The following RUBCN variants were observed in gnomAD, a reference collection of about 807,000 sequenced individuals.
The protein encoded by RUBCN is run domain Beclin-1-interacting and cysteine-rich domain-containing protein.
RUBCN carries 74 observed loss-of-function variants against 113.2 expected under a neutral mutation model. That is an observed-to-expected ratio of 0.65 (90% CI 0.54 to 0.79). The LOEUF is 0.79. Ranked by LOEUF, RUBCN falls within the 30% of genes least tolerant of loss-of-function variation. RUBCN has a pLI of 0.00. For synonymous variants in RUBCN, 480 were observed against 490.0 expected (o/e 0.98, Z 0.27); for missense variants, 1,109 against 1,251.7 (o/e 0.89, Z 1.72).
In RUBCN at chr3:197,730,408, T is replaced by C. The variant is rs554030604; in HGVS notation, c.65+6247A>G. On this transcript the variant is annotated intron_variant, in intron 1 of 19. Coordinates refer to ENST00000296343, the MANE Select transcript of RUBCN (RefSeq NM_014687.4). The stretch of plus-strand genomic sequence containing the variant: ...GGAGCTGCTGGGACTGCATCTTTCT[T>C]GTTGCTGGTATTGCTAAGCTTGGAG... Among the ~76,000 whole-genome samples, 7 of 152,322 alleles carry C rather than the reference T, an allele frequency of 4.6e-5. No individual in the cohort carries two copies. In the East Asian group the frequency reaches 1.3e-3, roughly 29 times the overall value.
At chr3:197,698,766 G>A (rs2108896646) in intron 7 of RUBCN, among the ~76,000 whole-genome samples, 1 of 145,822 alleles carries the variant, frequency 6.9e-6, no homozygotes, top group East Asian at 2.0e-4. Context: ...GCCAAGACAG[G>A]AGGATCACTT....
At position 197,679,187 on chromosome 3, in the gene RUBCN, C is replaced by T. The variant is rs1258702885; in HGVS notation, c.2431-1646G>A. Among the ~76,000 whole-genome samples the T allele has an allele frequency of 7.4e-5, 11 of 149,590 alleles. No homozygotes were observed. The East Asian group carries it at 8.1e-4, about 11-fold the overall frequency. On this transcript the variant is annotated intron_variant, in intron 16 of 19. Coordinates refer to ENST00000296343, the MANE Select transcript of RUBCN (RefSeq NM_014687.4). The stretch of plus-strand genomic sequence containing the variant: ...CGACAAGTGGCTTCAGACTGTCCTA[C>T]GCTCTGACAACTGGCTTCAGACTGT...
chr3:197,721,547 T>C (rs1420963314), intron 1 of RUBCN, among the ~76,000 whole-genome samples: 2 of 152,094 alleles, frequency 1.3e-5, no homozygotes, highest in Non-Finnish European at 2.9e-5. Flanking sequence ...AACAAACAAC[T>C]CTTTTGTTAA....
intron 8 of RUBCN, 42 bp from the exon 9 acceptor site, chr3:197,696,023 A>G (rs762079408): frequency 4.4e-6 from 7 of 1,584,314 alleles, no homozygotes; most frequent in Non-Finnish European, 6.1e-6. Flanking sequence ...AGGCTTCTTC[A>G]GGAAGTCTTA....
In RUBCN at chr3:197,674,630, A is replaced by G. The variant is rs1314563597; in HGVS notation, c.*388T>C. The G allele has an allele frequency of 9.0e-6, 4 of 442,368 alleles. No homozygotes were observed. The highest frequency in any genetic ancestry group is 1.8e-5 in the South Asian group (1 of 55,756). The allele number at this position is 442,368 out of a possible 1,614,324, so 27.4% of individuals were successfully genotyped here. A position where few individuals can be genotyped will look rare whatever the true frequency, so the allele number is the denominator to read the frequency against. On this transcript the variant is annotated 3_prime_UTR_variant, in exon 20 of 20. Transcript: ENST00000296343. ...GAGAAAGGCCTGGCTCAGAAGCTCC[A>G]GAACTGAAACAAAGGAAAATTGGAA...
At position 197,701,112 on chromosome 3, in the gene RUBCN, A is replaced by T; in HGVS notation, c.762T>A (p.Pro254=). 6.4e-7 allele frequency: 1 copy of T among 1,571,442 alleles called. No individual in the cohort carries two copies. The highest frequency in any genetic ancestry group is 8.6e-7 in the Non-Finnish European group (1 of 1,158,476). ...CTCTGCTTTCTTGAGGTTTCCGGGG[A>T]GGGCCAGAGAGTGGAAAGGAAGTAG... is the stretch of plus-strand genomic sequence containing the variant. ...RRSTSFPLSG[P]PRKPQESRGH... is the part of the protein sequence containing the mutation. Residue 254 remains proline (P), a synonymous_variant, in exon 7 of 20, where the codon CCT becomes CCA. Transcript: ENST00000296343.
chr3:197,697,011 G>C lies in RUBCN; in HGVS notation c.1300C>G (p.Pro434Ala). ...NDKAKLRGPL[P>A]YSGQSSEVST... ...ACTTCACTGCTTTGACCAGAGTAGG[G>C]CAAAGGGCCTCTCAACTTCGCCTTA... The change falls in exon 8 of 20, where the codon CCC becomes GCC. Residue 434 changes from proline to alanine, a missense_variant. By Grantham distance (27) the Pro-to-Ala change is conservative. Transcript: ENST00000296343. 5 of 1,609,048 alleles carry C rather than the reference G, an allele frequency of 3.1e-6. No homozygotes were observed. The highest frequency in any genetic ancestry group is 4.3e-6 in the Non-Finnish European group (5 of 1,175,466).
chr3:197,731,698 C>T (rs1476074345), intron 1 of RUBCN, among the ~76,000 whole-genome samples: 2 of 149,966 alleles, frequency 1.3e-5, no homozygotes, highest in Non-Finnish European at 3.0e-5. Context: ...TAGGGGCAGC[C>T]GGGCAGAGGC....
chr3:197,677,551 A>C lies in RUBCN; in HGVS notation c.2431-10T>G. On this transcript the variant is annotated splice_polypyrimidine_tract_variant and intron_variant, in intron 16 of 19. Transcript: ENST00000296343. ...GCTGGACCCGCAGCAGCTGAAAAGA[A>C]AGAGAGGGGGGCAGGAGTGGGAGGG... 1 of 1,613,778 alleles carries C rather than the reference A, an allele frequency of 6.2e-7. No individual in the cohort carries two copies. Among genetic ancestry groups the C allele is most frequent in the Non-Finnish European group, 8.5e-7 (1 of 1,179,806 alleles).
intron 14 of RUBCN, 39 bp downstream of exon 14, chr3:197,682,430 CG>C (rs760584023): frequency 5.0e-6 from 8 of 1,612,196 alleles, no homozygotes; most frequent in Non-Finnish European, 5.1e-6. Flanking sequence ...CCAAAGAGGA[CG>C]GATCTGTGCT....
Position 197,683,093 on chromosome 3 carries a change from G to A in RUBCN, c.1980+214C>T, listed in dbSNP as rs1721434770. ...GACTGAGTCTGGCGAGCAGTCACGTGAATAAGGACCGCGAACGCGCCGTCA... is the reference window on the plus strand; with the variant it reads ...GACTGAGTCTGGCGAGCAGTCACGTAAATAAGGACCGCGAACGCGCCGTCA... On this transcript the variant is annotated intron_variant, in intron 13 of 19. Transcript: ENST00000296343. The surrounding 1 kb of genome is among the most constrained non-coding windows in gnomAD (Gnocchi z 4.6). 6.6e-6 allele frequency among the ~76,000 whole-genome samples: 1 copy of A among 152,248 alleles called. No individual in the cohort carries two copies. The highest frequency in any genetic ancestry group is 2.1e-4 in the South Asian group (1 of 4,830).
At chr3:197,692,857 C>T (rs1722576826) in intron 11 of RUBCN, among the ~76,000 whole-genome samples, 1 of 152,168 alleles carries the variant, frequency 6.6e-6, no homozygotes, top group South Asian at 2.1e-4. Context: ...ATTGTGTAAA[C>T]AGGAAATCAA....
At chr3:197,685,198 T>TG (rs1219332429) in intron 11 of RUBCN, among the ~76,000 whole-genome samples, 1 of 152,092 alleles carries the variant, frequency 6.6e-6, no homozygotes, top group Non-Finnish European at 1.5e-5. Flanking sequence ...ATACTTTTGA[T>TG]GGGGGGGATG....
chr3:197,746,206 T>C (rs1728738459), intron 1 of RUBCN, among the ~76,000 whole-genome samples: 1 of 152,236 alleles, frequency 6.6e-6, no homozygotes, highest in Non-Finnish European at 1.5e-5. Flanking sequence ...AGCTTGAGGA[T>C]AGCCATCGCG....
chr3:197,698,867 A>T (rs1265155253), intron 7 of RUBCN, among the ~76,000 whole-genome samples: 1 of 151,700 alleles, frequency 6.6e-6, no homozygotes, highest in African/African-American at 2.4e-5. Flanking sequence ...AAAATTTAAA[A>T]AAAGAAAAAA....
chr3:197,734,567 A>G (rs1022306526), intron 1 of RUBCN, among the ~76,000 whole-genome samples: 1 of 152,200 alleles, frequency 6.6e-6, no homozygotes, highest in Non-Finnish European at 1.5e-5. Flanking sequence ...CCGACCACAT[A>G]CAATAGTTAT....
rs62283397 is a variant in RUBCN, at chr3:197,678,946, C to T, written c.2431-1405G>A. 1.3e-3 allele frequency among the ~76,000 whole-genome samples: 171 copies of T among 135,566 alleles called. 1 individual carries two copies. The highest frequency in any genetic ancestry group is 4.4e-3 in the African/African-American group (155 of 35,330). The allele number at this position is 135,566 out of a possible 152,430, so 88.9% of individuals were successfully genotyped here. A position where few individuals can be genotyped will look rare whatever the true frequency, so the allele number is the denominator to read the frequency against. On this transcript the variant is annotated intron_variant, in intron 16 of 19. Coordinates refer to ENST00000296343, the MANE Select transcript of RUBCN (RefSeq NM_014687.4). The stretch of plus-strand genomic sequence containing the variant: ...CTGTCCTACGCTCTGACAACTGGCT[C>T]CAGACTGTCGTATGCTCTAACTGAC...
In RUBCN at chr3:197,685,486, A is replaced by G. The variant is rs1032222969; in HGVS notation, c.1787-1269T>C. ...GTCTGGACAACTAGATTATAAAATC[A>G]CCCTAACAAGAAATAAGATTGTGTC... On this transcript the variant is annotated intron_variant, in intron 11 of 19. Transcript: ENST00000296343. 6.6e-5 allele frequency among the ~76,000 whole-genome samples: 10 copies of G among 152,324 alleles called. No individual in the cohort carries two copies. The East Asian group carries it at 1.9e-3, about 29-fold the overall frequency.
At chr3:197,679,304 C>T (rs1183408122) in intron 16 of RUBCN, among the ~76,000 whole-genome samples, 13 of 151,624 alleles carry the variant, frequency 8.6e-5, no homozygotes, top group African/African-American at 3.2e-4. Context: ...TGGCTTCAGA[C>T]TGTCCTACGC....
Sources: allele counts gnomAD v4.1 joint callset (sites outside exome capture counted in the v4.1 genomes callset), GRCh38; gene constraint gnomAD v4.1.1; non-coding constraint Gnocchi (gnomAD v3.1); transcripts MANE v1.5; gene names NCBI Gene and HGNC (gene_info 2026-07-23, HGNC 2026-07-21).